Variants in FCRL5 observed in about 807,000 individuals in gnomAD.
FCRL5 encodes Fc receptor-like protein 5.
In FCRL5, 79 loss-of-function variants were observed where a neutral mutation model predicts 92.1. The observed-to-expected ratio is 0.86, with a 90% CI of 0.72 to 1.03. The LOEUF (loss-of-function observed/expected upper bound fraction) is 1.03, where lower values mean the gene tolerates loss of function less well. Among genes scored for constraint, FCRL5 ranks in the 50% least tolerant of loss-of-function variants. The pLI is 0.00. For synonymous variants in FCRL5, 466 were observed against 469.3 expected, an observed-to-expected ratio of 0.99 and a Z score of 0.09; for missense variants, 1,160 against 1,181.1, an observed-to-expected ratio of 0.98 and a Z score of 0.26.
intron 7 of FCRL5, among the ~76,000 whole-genome samples, chr1:157,536,752 G>A (rs1650985526): frequency 6.6e-6 from 1 of 152,202 alleles, no homozygotes; most frequent in Non-Finnish European, 1.5e-5. Context: ...TTCTCCATCA[G>A]GTCTCATCTT....
chr1:157,543,872 A>G (rs772911857), intron 5 of FCRL5, among the ~76,000 whole-genome samples: 20 of 152,084 alleles, frequency 1.3e-4, no homozygotes, highest in Non-Finnish European at 2.6e-4. Flanking sequence ...AGAAATTTTC[A>G]CTTTGGTTAT....
Position 157,539,934 on chromosome 1 carries a change from TC to T in FCRL5, c.1124-571del, listed in dbSNP as rs200980652. Among the ~76,000 whole-genome samples, 687 of 152,346 alleles carry T rather than the reference TC, an allele frequency of 4.5e-3. 8 individuals are homozygous for T. Among genetic ancestry groups the T allele is most frequent in the African/African-American group, 0.016 (663 of 41,578 alleles). ...AATTTCTTCCTTTTTCTCCATATCT[TC>T]CCTTTCACCTTTAAATATTGAAACC... On this transcript the variant is annotated intron_variant, in intron 6 of 16. Coordinates refer to ENST00000361835, the MANE Select transcript of FCRL5 (RefSeq NM_031281.3).
At chr1:157,519,679 C>A in intron 13 of FCRL5, 64 bp downstream of exon 13, 2 of 1,554,102 alleles carry the variant, frequency 1.3e-6, no homozygotes, top group East Asian at 2.2e-5. Flanking sequence ...TCATCAGATT[C>A]AATTCCATTT....
At chr1:157,522,171 T>C (rs1366439138) in intron 10 of FCRL5, 1 of 152,264 alleles carries the variant, frequency 6.6e-6, no homozygotes, top group Non-Finnish European at 1.5e-5. Context: ...ACAGTGGTTA[T>C]GTCTGGAGAA....
chr1:157,544,464 C>G lies in FCRL5; in HGVS notation c.642G>C (p.Gln214His). The change falls in exon 5 of 17, where the codon CAG becomes CAC. Residue 214 changes from glutamine to histidine, a missense_variant. Physicochemically the swap from Gln to His is conservative, Grantham distance 24 (BLOSUM62 0). Transcript: ENST00000361835. Reference sequence around the variant, plus strand: ...GGACATCTGACCTCTCTAGAGAGAGCTGGGTCTCACAGGTCAGGGTCACTG... The same window carrying G: ...GGACATCTGACCTCTCTAGAGAGAGGTGGGTCTCACAGGTCAGGGTCACTG... ...GNPVTLTCET[Q>H]LSLERSDVPL... 1 of 1,614,208 alleles carries G rather than the reference C, an allele frequency of 6.2e-7. No individual in the cohort carries two copies. The highest frequency in any genetic ancestry group is 8.5e-7 in the Non-Finnish European group (1 of 1,180,036).
In FCRL5 at chr1:157,514,886, T is replaced by C. The variant is rs1649851943; in HGVS notation, c.*789A>G. On this transcript the variant is annotated 3_prime_UTR_variant, in exon 17 of 17. Coordinates refer to ENST00000361835, the MANE Select transcript of FCRL5 (RefSeq NM_031281.3). ...CACAGTTTTCTTCCTCATTCATTCATTCATTCAGTCAGTCAGTCAAATAGT... is the reference window on the plus strand; with the variant it reads ...CACAGTTTTCTTCCTCATTCATTCACTCATTCAGTCAGTCAGTCAAATAGT... 1 of 152,422 alleles carries C rather than the reference T, an allele frequency of 6.6e-6. No individual in the cohort carries two copies. The highest frequency in any genetic ancestry group is 2.1e-4 in the South Asian group (1 of 4,830). 9.4% of individuals were successfully genotyped at this position (152,422 alleles called of 1,614,324 possible). A position where few individuals can be genotyped will look rare whatever the true frequency, so the allele number is the denominator to read the frequency against.
chr1:157,525,486 C>A (rs1240100910), intron 9 of FCRL5, among the ~76,000 whole-genome samples: 2 of 152,138 alleles, frequency 1.3e-5, no homozygotes, highest in Non-Finnish European at 2.9e-5. Flanking sequence ...GGATTTTGAT[C>A]CTTCTTCACA....
At chr1:157,524,659 G>A (rs1650353990) in intron 9 of FCRL5, 102 bp from the exon 10 acceptor site, 2 of 1,304,934 alleles carry the variant, frequency 1.5e-6, no homozygotes, top group Non-Finnish European at 1.0e-6. Context: ...AGTTTTTAAT[G>A]CCCTTGTGAC....
chr1:157,528,866 T>C (rs1650559798), intron 8 of FCRL5, among the ~76,000 whole-genome samples: 1 of 152,134 alleles, frequency 6.6e-6, no homozygotes. Context: ...CCCTGGAATA[T>C]ACTTTAAAAA....
Position 157,515,589 on chromosome 1 carries a change from A to G in FCRL5, c.*86T>C. On this transcript the variant is annotated 3_prime_UTR_variant, in exon 17 of 17. Transcript: ENST00000361835. ...CAGTAGATATGGTCTGGGGCAGCCT[A>G]AATCTTCCCACTTCAATGCTGCTTC... The G allele has an allele frequency of 6.2e-7, 1 of 1,613,218 alleles. No homozygotes were observed. Among genetic ancestry groups the G allele is most frequent in the Non-Finnish European group, 8.5e-7 (1 of 1,179,904 alleles).
chr1:157,547,500 C>T (rs1354246997), intron 2 of FCRL5: 10 of 509,658 alleles, frequency 2.0e-5, no homozygotes, highest in Admixed American at 1.9e-4. Flanking sequence ...ATCAATGCTG[C>T]GCTGCCATTT....
rs750463062 is a variant in FCRL5 at position 157,539,075 on chromosome 1, C to G, written c.1402+11G>C. On this transcript the variant is annotated intron_variant, in intron 7 of 16. Transcript: ENST00000361835. ...CCAGGGGTGGGTGATTGGCAGGAAC[C>G]CAGGGCTTACCAGTGACGGAGAGGC... 5 of 1,610,408 alleles carry G rather than the reference C, an allele frequency of 3.1e-6. No homozygotes were observed. The Admixed American group carries it at 6.7e-5, about 21-fold the overall frequency.
chr1:157,544,014 G>A (rs11264761), intron 5 of FCRL5, among the ~76,000 whole-genome samples: 29,888 of 152,062 alleles, frequency 0.2, 3,032 homozygotes, highest in Middle Eastern at 0.35. Flanking sequence ...AGAACCCTGC[G>A]AGAGAAAAGA....
chr1:157,544,572 C>T (rs765368023), intron 4 of FCRL5, 26 bp from the exon 5 acceptor site: 2 of 1,607,658 alleles, frequency 1.2e-6, no homozygotes, highest in East Asian at 2.2e-5. Flanking sequence ...ACAACAGTCC[C>T]AGAGCAATGA....
intron 10 of FCRL5, chr1:157,522,141 G>A (rs1204204393): frequency 6.6e-6 from 1 of 152,196 alleles, no homozygotes; most frequent in Non-Finnish European, 1.5e-5. Flanking sequence ...ATTTCTAGAA[G>A]CATACACATG....
Position 157,552,401 on chromosome 1 carries a change from G to A in FCRL5, c.-39C>T, listed in dbSNP as rs1571120520. ...ACCAAGGGCTGAGATCAAAAGAGAAGTTTCCTCAATTCCAAAACAGGTTTG... is the reference window on the plus strand; with the variant it reads ...ACCAAGGGCTGAGATCAAAAGAGAAATTTCCTCAATTCCAAAACAGGTTTG... On this transcript the variant is annotated 5_prime_UTR_variant, in exon 1 of 17. Transcript: ENST00000361835. The A allele has an allele frequency of 6.2e-7, 1 of 1,612,904 alleles. No homozygotes were observed. The highest frequency in any genetic ancestry group is 8.5e-7 in the Non-Finnish European group (1 of 1,179,078).
Position 157,515,748 on chromosome 1 carries a change from T to C in FCRL5, c.2861A>G (p.Tyr954Cys). ...HLRNKGSPII[Y>C]SEVKVASTPV... ...GGTTGACGCCACCTTAACTTCAGAGTAGATGATAGGGGAACCCTAGGAGGC... is the reference window on the plus strand; with the variant it reads ...GGTTGACGCCACCTTAACTTCAGAGCAGATGATAGGGGAACCCTAGGAGGC... Residue 954 changes from tyrosine to cysteine, a missense_variant, in exon 17 of 17, where the codon TAC becomes TGC. Coordinates refer to ENST00000361835, the MANE Select transcript of FCRL5 (RefSeq NM_031281.3). 6.2e-7 allele frequency: 1 copy of C among 1,612,804 alleles called. No individual in the cohort carries two copies. The highest frequency in any genetic ancestry group is 8.5e-7 in the Non-Finnish European group (1 of 1,179,854).
In FCRL5 at chr1:157,515,542, T is replaced by C; in HGVS notation, c.*133A>G. ...CCCTGCATTCTGGTCAGACTGAGAA[T>C]GAGGACATGTGAAACAAAGGCCAGT... is the stretch of plus-strand genomic sequence containing the variant. On this transcript the variant is annotated 3_prime_UTR_variant, in exon 17 of 17. Transcript: ENST00000361835. 1 of 1,585,470 alleles carries C rather than the reference T, an allele frequency of 6.3e-7. No homozygotes were observed. Among genetic ancestry groups the C allele is most frequent in the South Asian group, 1.1e-5 (1 of 89,532 alleles).
At chr1:157,544,703 G>C (rs1651446315) in intron 4 of FCRL5, 128 bp downstream of exon 4, 2 of 1,433,834 alleles carry the variant, frequency 1.4e-6, no homozygotes, top group Admixed American at 3.9e-5. Flanking sequence ...TACTTCCTCT[G>C]CTCCTTGCAG....
Sources: allele counts gnomAD v4.1 joint callset (sites outside exome capture counted in the v4.1 genomes callset), GRCh38; gene constraint gnomAD v4.1.1; transcripts MANE v1.5; gene names NCBI Gene and HGNC (gene_info 2026-07-23, HGNC 2026-07-21).